ST14: variants seen among roughly 807,000 people sequenced by gnomAD.
ST14 encodes ST14 transmembrane serine protease matriptase, also known as suppressor of tumorigenicity 14 protein.
ST14 carries 40 observed loss-of-function variants against 96.5 expected under a neutral mutation model. The observed-to-expected ratio is 0.41, with a 90% CI of 0.32 to 0.54. The LOEUF is 0.54. Among genes scored for constraint, ST14 ranks in the 20% least tolerant of loss-of-function variants. The probability of loss-of-function intolerance (pLI) is 0.17; values close to 1 mark genes in which losing one functional copy is unlikely to be tolerated. For synonymous variants in ST14, 506 were observed against 492.1 expected, an observed-to-expected ratio of 1.03 and a Z score of -0.37; for missense variants, 1,066 against 1,188.9, an observed-to-expected ratio of 0.90 and a Z score of 1.52.
At chr11:130,192,670 G>A (rs765233524) in intron 7 of ST14, among the ~76,000 whole-genome samples, 4 of 152,188 alleles carry the variant, frequency 2.6e-5, no homozygotes, top group Non-Finnish European at 5.9e-5. Context: ...GGGATTACAG[G>A]CGTGAGCCAC....
Position 130,199,952 on chromosome 11 carries a change from C to A in ST14, c.1809C>A (p.Asp603Glu). ...CSDGSDEKDCDCGLRSFTRQA... is the reference protein window; with the variant it reads ...CSDGSDEKDCECGLRSFTRQA... The stretch of plus-strand genomic sequence containing the variant: ...TCTGGTTCTCTGCTCCCTCTGCAGA[C>A]TGTGGGCTGCGGTCATTCACGAGAC... Residue 603 changes from aspartate (D) to glutamate (E), a missense_variant and splice_region_variant, in exon 16 of 19, where the codon GAC becomes GAA. By Grantham distance (45) the Asp-to-Glu change is conservative. Transcript: ENST00000278742. 6.2e-7 allele frequency: 1 copy of A among 1,614,208 alleles called. No homozygotes were observed. The highest frequency in any genetic ancestry group is 8.5e-7 in the Non-Finnish European group (1 of 1,180,030).
At chr11:130,206,241 C>T (rs1565629367) in intron 16 of ST14, among the ~76,000 whole-genome samples, 1 of 152,200 alleles carries the variant, frequency 6.6e-6, no homozygotes, top group Non-Finnish European at 1.5e-5. Flanking sequence ...GCGGGCGGTG[C>T]TGTACCCTAC....
intron 7 of ST14, among the ~76,000 whole-genome samples, chr11:130,192,397 C>A (rs567587521): frequency 1.3e-5 from 2 of 152,226 alleles, no homozygotes; most frequent in Non-Finnish European, 2.9e-5. Context: ...ACTGTTAATT[C>A]TTTTTCTTTG....
intron 6 of ST14, 134 bp downstream of exon 6, chr11:130,190,282 C>A (rs1953283403): frequency 1.4e-6 from 2 of 1,477,540 alleles, no homozygotes; most frequent in Non-Finnish European, 1.9e-6. Context: ...CAGGCCCTTC[C>A]TCTTCCAGGC....
chr11:130,161,043 G>A (rs1426392338), intron 1 of ST14, among the ~76,000 whole-genome samples: 1 of 152,140 alleles, frequency 6.6e-6, no homozygotes, highest in Non-Finnish European at 1.5e-5. Flanking sequence ...CATAGTCTCC[G>A]CCGTTGCTCC....
intron 16 of ST14, among the ~76,000 whole-genome samples, chr11:130,200,439 G>A (rs1414490664): frequency 6.6e-6 from 1 of 152,166 alleles, no homozygotes; most frequent in Non-Finnish European, 1.5e-5. Context: ...CACATGGCGA[G>A]AACAGGAGCA....
chr11:130,198,707 G>A (rs1470840010), intron 14 of ST14, 86 bp downstream of exon 14: 5 of 1,377,320 alleles, frequency 3.6e-6, no homozygotes, highest in African/African-American at 2.9e-5. Context: ...AGGACGCCCC[G>A]AGTTTAATGA....
intron 7 of ST14, among the ~76,000 whole-genome samples, chr11:130,191,760 G>A (rs1194628202): frequency 6.6e-6 from 1 of 151,708 alleles, no homozygotes; most frequent in East Asian, 1.9e-4. Flanking sequence ...CAGGGTGAGA[G>A]GTTTAGAACT....
At chr11:130,172,172 T>C (rs1423359450) in intron 1 of ST14, among the ~76,000 whole-genome samples, 2 of 152,032 alleles carry the variant, frequency 1.3e-5, no homozygotes, top group Non-Finnish European at 2.9e-5. Context: ...TGGAGTGCAG[T>C]GGCGTGATCA....
At chr11:130,169,652 C>T (rs952167908) in intron 1 of ST14, among the ~76,000 whole-genome samples, 1 of 152,092 alleles carries the variant, frequency 6.6e-6, no homozygotes, top group African/African-American at 2.4e-5. Context: ...GCGGATGATA[C>T]TGCTGTTGTG....
intron 4 of ST14, 140 bp from the exon 5 acceptor site, chr11:130,189,599 C>G (rs754801410): frequency 1.3e-5 from 14 of 1,105,058 alleles, no homozygotes; most frequent in Non-Finnish European, 1.8e-5. Flanking sequence ...AGGGATGACA[C>G]AAGAGGAGCT....
At chr11:130,196,831 C>T (rs998978826) in intron 11 of ST14, 131 bp downstream of exon 11, 18 of 1,413,676 alleles carry the variant, frequency 1.3e-5, no homozygotes, top group Non-Finnish European at 1.5e-5. Context: ...TCACCCCTCC[C>T]GTAGCTTTGG....
In ST14 at chr11:130,187,284, G is replaced by C. The variant is rs902410247; in HGVS notation, c.82-830G>C. Among the ~76,000 whole-genome samples, 2 of 152,194 alleles carry C rather than the reference G, an allele frequency of 1.3e-5. No homozygotes were observed. The highest frequency in any genetic ancestry group is 2.4e-5 in the African/African-American group (1 of 41,446). ...TGTGCTATCGGCAGAAGCCTTCGCC[G>C]GTCCGTCACTGGGTGCAGCAGACAC... is the stretch of plus-strand genomic sequence containing the variant. On this transcript the variant is annotated intron_variant, in intron 1 of 18. Transcript: ENST00000278742. This position sits in a 1 kb window ranked among gnomAD's most constrained non-coding sequence, Gnocchi z 4.5.
At chr11:130,167,198 G>A (rs1040057864) in intron 1 of ST14, among the ~76,000 whole-genome samples, 7 of 152,154 alleles carry the variant, frequency 4.6e-5, no homozygotes, top group African/African-American at 9.7e-5. Context: ...GTGACAGAGC[G>A]AGACTCTGTC....
In ST14 at chr11:130,197,868, C is replaced by T. The variant is rs560888233; in HGVS notation, c.1382C>T (p.Thr461Met). 2.6e-5 allele frequency: 42 copies of T among 1,590,362 alleles called. No individual in the cohort carries two copies. The highest frequency in any genetic ancestry group is 2.1e-4 in the African/African-American group (16 of 74,620). ...TGCCCGGGGCAGTTCACGTGCCGCA[C>T]GGGGCGGTGTATCCGGAAGGAGCTG... is the stretch of plus-strand genomic sequence containing the variant. Reference protein sequence around the residue: ...DPCPGQFTCRTGRCIRKELRC... With the variant: ...DPCPGQFTCRMGRCIRKELRC... The change falls in exon 12 of 19, where the codon ACG becomes ATG. Residue 461 changes from threonine to methionine, a missense_variant. Physicochemically the swap from Thr to Met is moderately conservative, Grantham distance 81. Coordinates refer to ENST00000278742, the MANE Select transcript of ST14 (RefSeq NM_021978.4).
intron 1 of ST14, among the ~76,000 whole-genome samples, chr11:130,173,035 G>T (rs1370380642): frequency 2.0e-5 from 3 of 152,132 alleles, no homozygotes; most frequent in Admixed American, 6.5e-5. Context: ...GTCACCACGC[G>T]AGTGGTCAGG....
intron 1 of ST14, among the ~76,000 whole-genome samples, chr11:130,172,940 G>A (rs541545705): frequency 1.3e-5 from 2 of 152,298 alleles, no homozygotes; most frequent in Admixed American, 6.5e-5. Flanking sequence ...CCCTATAGGA[G>A]GGCAAAGAAC....
intron 15 of ST14, 26 bp downstream of exon 15, chr11:130,199,095 G>A: frequency 6.2e-7 from 1 of 1,608,288 alleles, no homozygotes; most frequent in South Asian, 1.1e-5. Flanking sequence ...GAGTACGGTT[G>A]TGCAGGTTGT....
chr11:130,196,197 G>A (rs996860215), intron 9 of ST14, 142 bp from the exon 10 acceptor site: 13 of 708,528 alleles, frequency 1.8e-5, no homozygotes, highest in South Asian at 1.4e-4. Flanking sequence ...AAACAAACAC[G>A]CTGGGAGAAC....
Sources: gnomAD v4.1 joint callset for allele counts (sites outside exome capture counted in the v4.1 genomes callset) on GRCh38, gnomAD v4.1.1 for gene constraint, Gnocchi (gnomAD v3.1) non-coding constraint, MANE v1.5 for transcripts, NCBI Gene and HGNC (gene_info 2026-07-23, HGNC 2026-07-21) for gene names.